Variants in SERPINI2 observed in about 807,000 individuals in gnomAD.
SERPINI2 encodes the protein serpin I2.
SERPINI2 carries 48 observed loss-of-function variants against 47.3 expected under a neutral mutation model. The ratio of observed to expected loss-of-function variants is 1.02; its 90% CI spans 0.81 to 1.29. SERPINI2 has a LOEUF of 1.29. Ranked by LOEUF, SERPINI2 falls within the 50% of genes most tolerant of loss-of-function variation. The pLI, the probability that SERPINI2 is intolerant of heterozygous loss-of-function variation, is 0.00. For missense variants in SERPINI2, 448 were observed against 456.9 expected, an observed-to-expected ratio of 0.98 and a Z score of 0.18; for synonymous variants, 135 against 149.3, an observed-to-expected ratio of 0.90 and a Z score of 0.70.
At chr3:167,443,819 A>G (rs1466937037) in intron 8 of SERPINI2, among the ~76,000 whole-genome samples, 2 of 152,164 alleles carry the variant, frequency 1.3e-5, no homozygotes, top group African/African-American at 4.8e-5. Context: ...TCTTCATGCC[A>G]TCATCAATCT....
chr3:167,443,506 CAGAT>C (rs1749387060), intron 8 of SERPINI2, among the ~76,000 whole-genome samples: 1 of 152,034 alleles, frequency 6.6e-6, no homozygotes, highest in African/African-American at 2.4e-5. Context: ...CCCAATATTT[CAGAT>C]AGATAAAGAT....
In SERPINI2 at chr3:167,467,122, C is replaced by A. The variant is rs61754494; in HGVS notation, c.411G>T (p.Leu137=). 5.1e-5 allele frequency: 83 copies of A among 1,613,462 alleles called. 1 individual carries two copies. The highest frequency in any genetic ancestry group is 6.1e-5 in the Non-Finnish European group (72 of 1,179,712). The change falls in exon 3 of 9, where the codon CTG becomes CTT. Residue 137 remains leucine (L), a synonymous_variant. Coordinates refer to ENST00000264677, the Ensembl canonical transcript of SERPINI2. ...AAGCCTTTGCATCTTGAAAATCCACCAGTTTTATAGCACTCTGAAAAAATT... is the reference window on the plus strand; with the variant it reads ...AAGCCTTTGCATCTTGAAAATCCACAAGTTTTATAGCACTCTGAAAAAATT...
At chr3:167,475,712 T>C (rs1750461290), upstream of SERPINI2, among the ~76,000 whole-genome samples, 1 of 139,564 alleles carries the variant, frequency 7.2e-6, no homozygotes, top group African/African-American at 2.6e-5. Context: ...TCTATTTTGC[T>C]CCTAGAAAAT....
intron 8 of SERPINI2, among the ~76,000 whole-genome samples, chr3:167,445,497 C>G (rs1204590262): frequency 6.6e-6 from 1 of 152,194 alleles, no homozygotes; most frequent in East Asian, 1.9e-4. Context: ...AAAGGACAAG[C>G]AACTTGTTTC....
At chr3:167,454,312 T>G (rs898224143) in intron 5 of SERPINI2, among the ~76,000 whole-genome samples, 1 of 152,238 alleles carries the variant, frequency 6.6e-6, no homozygotes, top group African/African-American at 2.4e-5. Context: ...AACAATATGT[T>G]TTTTTGGAAG....
chr3:167,448,325 A>G (rs967250946), intron 7 of SERPINI2, among the ~76,000 whole-genome samples: 1 of 152,190 alleles, frequency 6.6e-6, no homozygotes, highest in African/African-American at 2.4e-5. Flanking sequence ...CGAGTTCCCA[A>G]GTGGTGCTGT....
intron 7 of SERPINI2, chr3:167,447,092 G>A (rs1481271537): frequency 1.3e-5 from 2 of 151,850 alleles, no homozygotes; most frequent in African/African-American, 2.4e-5. Flanking sequence ...ATTTAGAATA[G>A]GAAAATATAA....
intron 8 of SERPINI2, among the ~76,000 whole-genome samples, chr3:167,442,490 A>G (rs1182683453): frequency 2.6e-5 from 4 of 152,210 alleles, no homozygotes; most frequent in Non-Finnish European, 5.9e-5. Flanking sequence ...TTCTAAATAT[A>G]GAGACCCAGT....
At chr3:167,464,610 G>A (rs2108168136) in intron 5 of SERPINI2, among the ~76,000 whole-genome samples, 2 of 152,272 alleles carry the variant, frequency 1.3e-5, no homozygotes, top group East Asian at 1.9e-4. Context: ...TGGGTAGAGT[G>A]TGAATTGAGT....
In SERPINI2 at chr3:167,446,386, A is replaced by T; in HGVS notation, c.1141+6T>A. 1 of 1,580,614 alleles carries T rather than the reference A, an allele frequency of 6.3e-7. No homozygotes were observed. Among genetic ancestry groups the T allele is most frequent in the African/African-American group, 1.4e-5 (1 of 73,762 alleles). On this transcript the variant is annotated splice_donor_region_variant and intron_variant, in intron 8 of 8. Transcript: ENST00000264677. ...AGTTCCCCCAAATAATTCTCAAAAAAGGTACCTGTTGGATTATGCTTCATA... is the reference window on the plus strand; with the variant it reads ...AGTTCCCCCAAATAATTCTCAAAAATGGTACCTGTTGGATTATGCTTCATA...
intron 5 of SERPINI2, among the ~76,000 whole-genome samples, chr3:167,453,671 A>AC (rs1387423201): frequency 1.9e-3 from 245 of 132,294 alleles, no homozygotes; most frequent in African/African-American, 8.9e-3. Context: ...GGGGGTGGGC[A>AC]AAAAAAAAAG....
chr3:167,473,890 TGATTTTTAC>T (rs1750416549), intron 1 of SERPINI2, 104 bp downstream of exon 1: 1 of 1,186,758 alleles, frequency 8.4e-7, no homozygotes, highest in African/African-American at 1.6e-5. Context: ...TAAATTCAAA[TGATTTTTAC>T]ACCAAAGTAA....
chr3:167,452,853 CTT>C, intron 6 of SERPINI2, 81 bp downstream of exon 6: 1 of 790,570 alleles, frequency 1.3e-6, no homozygotes, highest in Non-Finnish European at 2.1e-6. Flanking sequence ...GCTGAATGCT[CTT>C]TCAGTTTTAA....
chr3:167,456,898 A>G (rs951953958), intron 5 of SERPINI2, among the ~76,000 whole-genome samples: 13 of 152,224 alleles, frequency 8.5e-5, no homozygotes, highest in African/African-American at 2.4e-4. Context: ...TTGTATACAC[A>G]TTATCTCATG....
intron 1 of SERPINI2, among the ~76,000 whole-genome samples, chr3:167,472,914 C>A (rs1472883767): frequency 2.0e-5 from 3 of 151,506 alleles, no homozygotes; most frequent in South Asian, 2.1e-4. Context: ...AAAACTTATC[C>A]ATCAGTAAGT....
chr3:167,445,542 C>G (rs72622524), intron 8 of SERPINI2, among the ~76,000 whole-genome samples: 29,046 of 152,086 alleles, frequency 0.19, 4,120 homozygotes, highest in African/African-American at 0.39. Context: ...AAATTGAGCC[C>G]AACCCAATTT....
intron 2 of SERPINI2, among the ~76,000 whole-genome samples, chr3:167,471,374 A>G (rs1325673095): frequency 3.3e-5 from 5 of 152,300 alleles, no homozygotes; most frequent in South Asian, 4.1e-4. Flanking sequence ...TTACATTTAT[A>G]TAGATGTCAA....
At chr3:167,464,260 C>T (rs966728633) in intron 5 of SERPINI2, among the ~76,000 whole-genome samples, 9 of 151,782 alleles carry the variant, frequency 5.9e-5, no homozygotes, top group South Asian at 2.1e-4. Context: ...ATGATCTGCC[C>T]GCCTCAGCCT....
At chr3:167,471,962 T>G (rs1750340012) in intron 1 of SERPINI2, 118 bp from the exon 2 acceptor site, 3 of 679,990 alleles carry the variant, frequency 4.4e-6, no homozygotes, top group Admixed American at 5.2e-5. Context: ...CTACCACAAG[T>G]GAACTCTATC....
Sources: gnomAD v4.1 joint callset for allele counts (sites outside exome capture counted in the v4.1 genomes callset) on GRCh38, gnomAD v4.1.1 for gene constraint, MANE v1.5 for transcripts, NCBI Gene and HGNC (gene_info 2026-07-23, HGNC 2026-07-21) for gene names.